UGT2B7: variants seen among roughly 807,000 people sequenced by gnomAD.
The protein encoded by UGT2B7 is UDP glucuronosyltransferase family 2 member B7, also known as UDP-glucuronosyltransferase 2B7.
UGT2B7 carries 51 observed loss-of-function variants against 51.9 expected under a neutral mutation model. The observed-to-expected ratio is 0.98, with a 90% confidence interval of 0.78 to 1.24. The LOEUF is 1.24. UGT2B7 is among the 50% of genes most tolerant of loss of function. The pLI, the probability that UGT2B7 is intolerant of heterozygous loss-of-function variation, is 0.00. For synonymous variants in UGT2B7, 225 were observed against 211.6 expected, an observed-to-expected ratio of 1.06 and a Z score of -0.55; for missense variants, 727 against 628.4, an observed-to-expected ratio of 1.16 and a Z score of -1.68.
At chr4:69,078,925 G>A (rs1437218956) in intron 1 of UGT2B7, among the ~76,000 whole-genome samples, 1 of 152,124 alleles carries the variant, frequency 6.6e-6, no homozygotes, top group Non-Finnish European at 1.5e-5. Flanking sequence ...TGGGTTTCCT[G>A]GGATAACAGG....
upstream of UGT2B7, among the ~76,000 whole-genome samples, chr4:69,096,194 A>G (rs7662029): frequency 0.58 from 87,699 of 151,992 alleles, 26,306 homozygotes; most frequent in African/African-American, 0.71. Flanking sequence ...TGCAGAAACA[A>G]GATCTGTCAC....
chr4:69,061,749 A>G (rs1484991607), intron 1 of UGT2B7, among the ~76,000 whole-genome samples: 1 of 152,194 alleles, frequency 6.6e-6, no homozygotes, highest in Non-Finnish European at 1.5e-5. Flanking sequence ...ACAGCGTTTA[A>G]CTTGTGCCCA....
At chr4:69,094,237 TC>T (rs1271236436), upstream of UGT2B7, among the ~76,000 whole-genome samples, 3 of 43,526 alleles carry the variant, frequency 6.9e-5, 1 homozygote, top group Non-Finnish European at 1.1e-4. Flanking sequence ...CCTCCCGGGT[TC>T]ATGCCATTCT....
intron 1 of UGT2B7, among the ~76,000 whole-genome samples, chr4:69,078,352 G>C (rs145770426): frequency 0.016 from 2,383 of 152,168 alleles, 134 homozygotes; most frequent in Admixed American, 0.092. Context: ...TCTATGTTTG[G>C]AATAGTTTCA....
At position 69,112,546 on chromosome 4, in the gene UGT2B7, T is replaced by C; in HGVS notation, c.1400T>C (p.Val467Ala). Residue 467 changes from valine (V) to alanine (A), a missense_variant, in exon 6 of 6, where the codon GTC becomes GCC. Coordinates refer to ENST00000305231, the MANE Select transcript of UGT2B7 (RefSeq NM_001074.4). The stretch of plus-strand genomic sequence containing the variant: ...CGAGCAGTCTTCTGGATTGAATTTG[T>C]CATGCGCCACAAAGGAGCTAAACAC... ...LDRAVFWIEF[V>A]MRHKGAKHLR... 6.2e-7 allele frequency: 1 copy of C among 1,613,988 alleles called. No homozygotes were observed.
At chr4:69,102,347 C>A (rs997068178) in intron 2 of UGT2B7, among the ~76,000 whole-genome samples, 7 of 152,070 alleles carry the variant, frequency 4.6e-5, no homozygotes, top group African/African-American at 1.7e-4. Context: ...AAACCACTAA[C>A]TGTTTCCAAC....
At chr4:69,053,792 C>G (rs1396178938) in intron 1 of UGT2B7, among the ~76,000 whole-genome samples, 1 of 152,110 alleles carries the variant, frequency 6.6e-6, no homozygotes, top group Admixed American at 6.5e-5. Context: ...CATCCCCGAG[C>G]AGATGTGTGG....
chr4:69,070,156 G>T (rs1718568990), intron 1 of UGT2B7, among the ~76,000 whole-genome samples: 1 of 149,850 alleles, frequency 6.7e-6, no homozygotes, highest in Admixed American at 6.7e-5. Flanking sequence ...AACTCAGTCT[G>T]TTTACTTGAG....
rs757420223 is a variant in UGT2B7 at position 69,096,896 on chromosome 4, T to C, written c.376T>C (p.Phe126Leu). ...AATATTTGGTGACATAACTAGAAAG[T>C]TCTGTAAAGATGTAGTTTCAAATAA... ...MSIFGDITRK[F>L]CKDVVSNKKF... The change falls in exon 1 of 6, where the codon TTC becomes CTC. Residue 126 changes from phenylalanine to leucine, a missense_variant. Coordinates refer to ENST00000305231, the MANE Select transcript of UGT2B7 (RefSeq NM_001074.4). The C allele has an allele frequency of 1.2e-6, 2 of 1,612,608 alleles. No homozygotes were observed. Among genetic ancestry groups the C allele is most frequent in the East Asian group, 4.5e-5 (2 of 44,856 alleles).
At chr4:69,078,655 G>A (rs968637423) in intron 1 of UGT2B7, among the ~76,000 whole-genome samples, 8 of 152,098 alleles carry the variant, frequency 5.3e-5, no homozygotes, top group African/African-American at 1.9e-4. Context: ...TCCTCAGGTA[G>A]GAGCCATAGT....
intron 3 of UGT2B7, among the ~76,000 whole-genome samples, chr4:69,106,009 G>A (rs1719586013): frequency 6.6e-6 from 1 of 151,886 alleles, no homozygotes; most frequent in Non-Finnish European, 1.5e-5. Flanking sequence ...TTACAAAATT[G>A]TTACTATTTT....
At chr4:69,106,604 T>C (rs1427805342) in intron 3 of UGT2B7, among the ~76,000 whole-genome samples, 1 of 152,136 alleles carries the variant, frequency 6.6e-6, no homozygotes, top group African/African-American at 2.4e-5. Flanking sequence ...TATAGTCCGT[T>C]GGTTATATAC....
chr4:69,094,288 C>T (rs1441117296), upstream of UGT2B7, among the ~76,000 whole-genome samples: 1 of 85,074 alleles, frequency 1.2e-5, no homozygotes, highest in South Asian at 4.3e-4. Flanking sequence ...TACAGGCGCC[C>T]GCTACCACGC....
Position 69,112,983 on chromosome 4 carries a change from C to A in UGT2B7, c.*247C>A, listed in dbSNP as rs78265585. ...ACGGAAAATAAAAAATAAGATAAAG[C>A]CTTATGAGCTCGTATTGAAATTTGT... On this transcript the variant is annotated 3_prime_UTR_variant, in exon 6 of 6. Transcript: ENST00000305231. 5.1e-3 allele frequency: 2,205 copies of A among 430,892 alleles called. 36 individuals are homozygous for A. Among genetic ancestry groups the A allele is most frequent in the African/African-American group, 0.041 (1,949 of 47,734 alleles). The allele number at this position is 430,892 out of a possible 1,614,324, so 26.7% of individuals were successfully genotyped here.
intron 2 of UGT2B7, among the ~76,000 whole-genome samples, chr4:69,102,118 A>G (rs759308599): frequency 2.0e-5 from 3 of 152,220 alleles, no homozygotes; most frequent in Non-Finnish European, 4.4e-5. Context: ...TCCTGGACTA[A>G]TTCATAGAAA....
chr4:69,111,776 A>C (rs1044383132), intron 5 of UGT2B7, among the ~76,000 whole-genome samples: 1 of 152,218 alleles, frequency 6.6e-6, no homozygotes, highest in Non-Finnish European at 1.5e-5. Flanking sequence ...TAACTTTCTC[A>C]GCTAACATTC....
chr4:69,085,087 CA>C (rs1359307483), intron 1 of UGT2B7, among the ~76,000 whole-genome samples: 4 of 152,120 alleles, frequency 2.6e-5, no homozygotes, highest in African/African-American at 9.7e-5. Context: ...CTCCCAGCAA[CA>C]GTGTAAAAGC....
intron 1 of UGT2B7, among the ~76,000 whole-genome samples, chr4:69,067,779 G>GT (rs891261284): frequency 3.3e-5 from 5 of 151,980 alleles, no homozygotes; most frequent in African/African-American, 9.7e-5. Context: ...GTTGCAATGT[G>GT]TTTTTTTCGT....
intron 1 of UGT2B7, among the ~76,000 whole-genome samples, chr4:69,072,160 T>C (rs1424803337): frequency 6.6e-6 from 1 of 152,106 alleles, no homozygotes; most frequent in African/African-American, 2.4e-5. Context: ...ACTCATAAAA[T>C]CACATAGTAT....
Sources: gnomAD v4.1 joint callset for allele counts (sites outside exome capture counted in the v4.1 genomes callset) on GRCh38, gnomAD v4.1.1 for gene constraint, MANE v1.5 for transcripts, NCBI Gene and HGNC (gene_info 2026-07-23, HGNC 2026-07-21) for gene names.